CDH18: variants seen among roughly 807,000 people sequenced by gnomAD.
CDH18 encodes the protein cadherin-18.
CDH18 carries 31 observed loss-of-function variants against 67.9 expected under a neutral mutation model. The ratio of observed to expected loss-of-function variants is 0.46; its 90% CI spans 0.34 to 0.62. The LOEUF (loss-of-function observed/expected upper bound fraction) is 0.62, where lower values mean the gene tolerates loss of function less well. Among genes scored for constraint, CDH18 ranks in the 20% least tolerant of loss-of-function variants. The pLI is 0.01. For missense variants in CDH18, 890 were observed against 975.5 expected, an observed-to-expected ratio of 0.91 and a Z score of 1.17; for synonymous variants, 362 against 347.2, an observed-to-expected ratio of 1.04 and a Z score of -0.48.
At chr5:19,824,990 C>G (rs992880959) in intron 3 of CDH18, among the ~76,000 whole-genome samples, 1 of 152,178 alleles carries the variant, frequency 6.6e-6, no homozygotes, top group Non-Finnish European at 1.5e-5. Context: ...CCTGCTAGAC[C>G]TTTTGACCTA....
intron 1 of CDH18, among the ~76,000 whole-genome samples, chr5:19,987,797 C>CTG (rs1382511090): frequency 2.6e-5 from 4 of 152,156 alleles, no homozygotes; most frequent in Non-Finnish European, 5.9e-5. Context: ...TCAGGGAAGA[C>CTG]AACAGCACAG....
intron 8 of CDH18, among the ~76,000 whole-genome samples, chr5:19,553,633 C>CTTT (rs1021709184): frequency 2.4e-4 from 26 of 108,754 alleles, no homozygotes; most frequent in Middle Eastern, 6.0e-3. Flanking sequence ...TGGTCTCATA[C>CTTT]TTTTTTTTTT....
At chr5:20,429,567 T>G (rs1168484534) in intron 1 of CDH18, among the ~76,000 whole-genome samples, 1 of 152,180 alleles carries the variant, frequency 6.6e-6, no homozygotes, top group African/African-American at 2.4e-5. Context: ...TCATTGTTCT[T>G]GAAACTGTGT....
intron 1 of CDH18, among the ~76,000 whole-genome samples, chr5:20,384,402 C>T (rs928886148): frequency 2.0e-5 from 3 of 152,078 alleles, no homozygotes; most frequent in African/African-American, 4.8e-5. Context: ...CCCATGTTGT[C>T]GCCTATAGCA....
At chr5:19,804,458 T>C (rs1310583352) in intron 3 of CDH18, among the ~76,000 whole-genome samples, 1 of 152,206 alleles carries the variant, frequency 6.6e-6, no homozygotes, top group Non-Finnish European at 1.5e-5. Flanking sequence ...TCTAGGTACT[T>C]GGACCTCACA....
At chr5:19,671,681 C>T (rs541004047) in intron 5 of CDH18, among the ~76,000 whole-genome samples, 1 of 152,118 alleles carries the variant, frequency 6.6e-6, no homozygotes, top group South Asian at 2.1e-4. Context: ...TTTACCTTGG[C>T]TGGATATGAT....
intron 1 of CDH18, among the ~76,000 whole-genome samples, chr5:20,486,935 C>T (rs1359372665): frequency 2.6e-5 from 4 of 152,052 alleles, no homozygotes; most frequent in African/African-American, 4.8e-5. Flanking sequence ...ACTGCAGTGG[C>T]GACAGGGAGG....
intron 3 of CDH18, among the ~76,000 whole-genome samples, chr5:19,811,039 G>GAAAGGA (rs1165661126): frequency 6.9e-6 from 1 of 145,900 alleles, no homozygotes; most frequent in Non-Finnish European, 1.5e-5. Flanking sequence ...GAAAGGAAAG[G>GAAAGGA]AAAGGGAAAG....
At chr5:20,188,190 A>G (rs914683318) in intron 2 of CDH18, among the ~76,000 whole-genome samples, 8 of 152,020 alleles carry the variant, frequency 5.3e-5, no homozygotes, top group Admixed American at 5.3e-4. Context: ...CATTTAATTA[A>G]ATAATGTAAT....
intron 8 of CDH18, among the ~76,000 whole-genome samples, chr5:19,551,899 A>G (rs1313558522): frequency 6.6e-6 from 1 of 152,150 alleles, no homozygotes; most frequent in Non-Finnish European, 1.5e-5. Flanking sequence ...TTTATTTGGA[A>G]GGTGTATGAG....
At chr5:19,657,013 G>A (rs1756495835) in intron 5 of CDH18, among the ~76,000 whole-genome samples, 1 of 152,016 alleles carries the variant, frequency 6.6e-6, no homozygotes, top group Non-Finnish European at 1.5e-5. Context: ...TAACTATATT[G>A]TGAGGTTTGG....
chr5:20,307,292 A>T (rs927732230), intron 1 of CDH18, among the ~76,000 whole-genome samples: 2 of 151,288 alleles, frequency 1.3e-5, no homozygotes, highest in South Asian at 2.1e-4. Context: ...TTTTTTTTTT[A>T]AATAACATTT....
At chr5:20,441,425 CTG>C (rs2150191121) in intron 1 of CDH18, among the ~76,000 whole-genome samples, 1 of 151,602 alleles carries the variant, frequency 6.6e-6, no homozygotes, top group Admixed American at 6.6e-5. Context: ...GTGTGTGCGT[CTG>C]TGTGTGCCTG....
At chr5:19,548,421 A>G (rs1261320476) in intron 8 of CDH18, among the ~76,000 whole-genome samples, 1 of 152,184 alleles carries the variant, frequency 6.6e-6, no homozygotes, top group African/African-American at 2.4e-5. Flanking sequence ...TAAGTTGGCC[A>G]TTAATATAAA....
Position 20,449,794 on chromosome 5 carries a change from ACCTTATTAT to A in CDH18, c.-580+125659_-580+125667del, listed in dbSNP as rs1232579234. Among the ~76,000 whole-genome samples the A allele has an allele frequency of 3.3e-5, 5 of 150,790 alleles. No individual in the cohort carries two copies. In the South Asian group the frequency reaches 1.1e-3, roughly 32 times the overall value. ...TAAAGTCTAGGGCAAAAATAAGAAA[ACCTTATTAT>A]CTTTCATGTTTGTCTACAAAAAAGA... On this transcript the variant is annotated intron_variant, in intron 1 of 14. Transcript: ENST00000507958.
chr5:20,525,838 C>T (rs978871828), intron 1 of CDH18, among the ~76,000 whole-genome samples: 1 of 150,888 alleles, frequency 6.6e-6, no homozygotes, highest in Non-Finnish European at 1.5e-5. Flanking sequence ...ACACATTGAG[C>T]CAGGACCTTA....
chr5:20,404,104 G>A (rs1298715729), intron 1 of CDH18, among the ~76,000 whole-genome samples: 2 of 152,114 alleles, frequency 1.3e-5, no homozygotes, highest in African/African-American at 2.4e-5. Flanking sequence ...CTTTTCTTCT[G>A]CTGCTTTCTC....
chr5:19,939,615 A>T (rs980836523), intron 2 of CDH18, among the ~76,000 whole-genome samples: 1 of 151,808 alleles, frequency 6.6e-6, no homozygotes, highest in Non-Finnish European at 1.5e-5. Flanking sequence ...CTAATCATGA[A>T]TTAAAGCATA....
chr5:19,866,015 C>T (rs16888164), intron 2 of CDH18, among the ~76,000 whole-genome samples: 39 of 152,138 alleles, frequency 2.6e-4, no homozygotes, highest in Non-Finnish European at 2.9e-4. Flanking sequence ...CCTCAGCCAG[C>T]GATATTTTTG....
Sources: allele counts gnomAD v4.1 joint callset (sites outside exome capture counted in the v4.1 genomes callset), GRCh38; gene constraint gnomAD v4.1.1; transcripts MANE v1.5; gene names NCBI Gene and HGNC (gene_info 2026-07-23, HGNC 2026-07-21).